The following EBF1 variants were observed in gnomAD, a reference collection of about 807,000 sequenced individuals.
The protein encoded by EBF1 is transcription factor COE1.
A neutral mutation model predicts 68.4 loss-of-function variants in EBF1; 10 were observed. That is an observed-to-expected ratio of 0.15 (90% CI 0.09 to 0.25). The LOEUF is 0.25. EBF1 is among the 10% of genes least tolerant of loss of function. EBF1 has a pLI of 1.00. For synonymous variants in EBF1, 298 were observed against 299.8 expected (o/e 0.99, Z 0.06); for missense variants, 509 against 794.4 (o/e 0.64, Z 4.32).
At chr5:158,960,925 A>G (rs1818064164) in intron 6 of EBF1, among the ~76,000 whole-genome samples, 1 of 152,228 alleles carries the variant, frequency 6.6e-6, no homozygotes, top group Non-Finnish European at 1.5e-5. Context: ...TCGAGCCTTC[A>G]GATTGCTACA....
chr5:158,982,293 G>C (rs1758057161), intron 6 of EBF1, among the ~76,000 whole-genome samples: 1 of 152,150 alleles, frequency 6.6e-6, no homozygotes, highest in Non-Finnish European at 1.5e-5. Flanking sequence ...GTTACTAATA[G>C]TATTATTTGC....
At chr5:158,790,944 T>G (rs190046654) in intron 9 of EBF1, among the ~76,000 whole-genome samples, 2 of 152,234 alleles carry the variant, frequency 1.3e-5, no homozygotes, top group Non-Finnish European at 2.9e-5. Flanking sequence ...AAAAGAACAA[T>G]AGTGGAAGAA....
intron 10 of EBF1, among the ~76,000 whole-genome samples, chr5:158,732,121 T>G (rs1204700925): frequency 3.9e-5 from 6 of 152,150 alleles, no homozygotes; most frequent in East Asian, 1.9e-4. Context: ...AGGTGGGTGT[T>G]TTTTTAAAAT....
At chr5:158,721,624 T>A (rs1005859648) in intron 11 of EBF1, among the ~76,000 whole-genome samples, 2 of 152,182 alleles carry the variant, frequency 1.3e-5, no homozygotes, top group African/African-American at 4.8e-5. Context: ...GGTGCCTCAA[T>A]TACTGTCCCG....
At chr5:158,851,614 AAGGAAAGGGC>A (rs1792745240) in intron 6 of EBF1, among the ~76,000 whole-genome samples, 1 of 55,942 alleles carries the variant, frequency 1.8e-5, no homozygotes, top group African/African-American at 7.8e-5. Context: ...AAGGGAAGGG[AAGGAAAGGGC>A]AGGGAAGAAA....
chr5:159,003,225 T>C lies in EBF1; in HGVS notation c.554+70171A>G, dbSNP rs972366745. On this transcript the variant is annotated intron_variant, in intron 6 of 15. Coordinates refer to ENST00000313708, the MANE Select transcript of EBF1 (RefSeq NM_024007.5). ...AACATCACTGGGTGTGTCTTGCTTT[T>C]AGCTTTGGTGTACAAAAAGCAACAG... 7.9e-5 allele frequency among the ~76,000 whole-genome samples: 12 copies of C among 152,226 alleles called. No homozygotes were observed. In the East Asian group the frequency reaches 2.1e-3, roughly 27 times the overall value.
intron 10 of EBF1, 95 bp from the exon 11 acceptor site, chr5:158,731,252 A>G (rs1764031043): frequency 8.9e-7 from 1 of 1,125,356 alleles, no homozygotes; most frequent in Non-Finnish European, 1.3e-6. Flanking sequence ...CAGGAAGTCC[A>G]AAGTTTAACT....
chr5:158,901,868 A>G lies in EBF1; in HGVS notation c.555-61758T>C, dbSNP rs777723876. ...CACTTTGGGAAGCCAAGGCAGGTGG[A>G]TCACTTGAGGCCAGGGGTTCGAGAC... On this transcript the variant is annotated intron_variant, in intron 6 of 15. Transcript: ENST00000313708. Among the ~76,000 whole-genome samples the G allele has an allele frequency of 3.3e-4, 50 of 152,194 alleles. 1 individual carries two copies. Among genetic ancestry groups the G allele is most frequent in the Non-Finnish European group, 4.1e-4 (28 of 68,032 alleles).
intron 6 of EBF1, among the ~76,000 whole-genome samples, chr5:158,871,760 C>T (rs1006966516): frequency 2.6e-5 from 4 of 152,206 alleles, no homozygotes; most frequent in African/African-American, 9.6e-5. Flanking sequence ...CTCAATGACG[C>T]ACAGTTCATT....
chr5:158,978,779 TACACAC>T (rs373321443), intron 6 of EBF1, among the ~76,000 whole-genome samples: 1 of 130,086 alleles, frequency 7.7e-6, no homozygotes, highest in Non-Finnish European at 1.6e-5. Context: ...GAATTGAAGA[TACACAC>T]ACACACACAC....
intron 4 of EBF1, among the ~76,000 whole-genome samples, chr5:159,094,186 A>C (rs1343535192): frequency 2.0e-5 from 3 of 146,850 alleles, no homozygotes; most frequent in Admixed American, 6.8e-5. Context: ...AAAAAAAAAA[A>C]AAAAAAAACA....
At chr5:158,864,596 A>T (rs1795545878) in intron 6 of EBF1, among the ~76,000 whole-genome samples, 1 of 152,202 alleles carries the variant, frequency 6.6e-6, no homozygotes, top group Non-Finnish European at 1.5e-5. Flanking sequence ...TGGGGAAAAA[A>T]GACAAAAAAC....
intron 6 of EBF1, among the ~76,000 whole-genome samples, chr5:159,036,566 A>C (rs1259571123): frequency 8.2e-6 from 1 of 121,408 alleles, no homozygotes; most frequent in African/African-American, 3.4e-5. Flanking sequence ...AGGATTCCCT[A>C]TTTAATAAAT....
At chr5:159,088,944 C>G (rs1308285037) in intron 4 of EBF1, among the ~76,000 whole-genome samples, 1 of 151,950 alleles carries the variant, frequency 6.6e-6, no homozygotes, top group Admixed American at 6.6e-5. Flanking sequence ...GCAAATAAAT[C>G]CCTTAAGGTG....
At chr5:158,903,368 C>T (rs1297524811) in intron 6 of EBF1, among the ~76,000 whole-genome samples, 4 of 152,026 alleles carry the variant, frequency 2.6e-5, no homozygotes, top group Non-Finnish European at 5.9e-5. Context: ...CAGGAACGTG[C>T]CCTTATCAGC....
At chr5:159,006,839 T>C (rs946815424) in intron 6 of EBF1, among the ~76,000 whole-genome samples, 2 of 152,126 alleles carry the variant, frequency 1.3e-5, no homozygotes, top group East Asian at 3.9e-4. Flanking sequence ...TATTCTCTGT[T>C]AACAGAAGGT....
intron 6 of EBF1, among the ~76,000 whole-genome samples, chr5:159,060,933 TACACACACACACACAC>T (rs72070397): frequency 2.8e-5 from 4 of 143,786 alleles, no homozygotes; most frequent in African/African-American, 1.0e-4. Flanking sequence ...TAAAGCTACA[TACACACACACACACAC>T]ACACACACAC....
intron 6 of EBF1, among the ~76,000 whole-genome samples, chr5:159,024,797 G>A (rs1767384028): frequency 6.6e-6 from 1 of 152,180 alleles, no homozygotes. Flanking sequence ...CTAACCAGAA[G>A]CATTCTCCAT....
intron 6 of EBF1, among the ~76,000 whole-genome samples, chr5:158,905,022 C>T (rs1804277055): frequency 6.6e-6 from 1 of 152,222 alleles, no homozygotes; most frequent in Non-Finnish European, 1.5e-5. Context: ...TCACATCTCA[C>T]AGCATTCTGT....
Sources: gnomAD v4.1 joint callset for allele counts (sites outside exome capture counted in the v4.1 genomes callset) on GRCh38, gnomAD v4.1.1 for gene constraint, MANE v1.5 for transcripts, NCBI Gene and HGNC (gene_info 2026-07-23, HGNC 2026-07-21) for gene names.